The following PRKCE variants were observed in gnomAD, a reference collection of about 807,000 sequenced individuals.
PRKCE encodes protein kinase C epsilon type.
PRKCE carries 16 observed loss-of-function variants against 85.4 expected under a neutral mutation model. The observed-to-expected ratio is 0.19, with a 90% confidence interval of 0.13 to 0.28. The LOEUF is 0.28. Ranked by LOEUF, PRKCE falls within the 10% of genes least tolerant of loss-of-function variation. The pLI is 1.00. For missense variants in PRKCE, 573 were observed against 975.2 expected (o/e 0.59, Z 5.49); for synonymous variants, 388 against 371.5 (o/e 1.04, Z -0.51).
intron 1 of PRKCE, among the ~76,000 whole-genome samples, chr2:45,681,104 G>A (rs1676853325): frequency 6.6e-6 from 1 of 151,796 alleles, no homozygotes; most frequent in Non-Finnish European, 1.5e-5. Context: ...GCCTGGCCAA[G>A]ATGCTAAAAC....
At chr2:46,033,882 G>C (rs1045568069) in intron 10 of PRKCE, among the ~76,000 whole-genome samples, 1 of 152,196 alleles carries the variant, frequency 6.6e-6, no homozygotes, top group Non-Finnish European at 1.5e-5. Context: ...AGAGGGGAAA[G>C]AGCATTTCTG....
intron 1 of PRKCE, among the ~76,000 whole-genome samples, chr2:45,739,841 T>C (rs1682402472): frequency 6.6e-6 from 1 of 152,230 alleles, no homozygotes; most frequent in Admixed American, 6.5e-5. Flanking sequence ...TTTCACAGTA[T>C]GTAAATTATA....
chr2:45,785,482 T>G (rs75288652), intron 1 of PRKCE, among the ~76,000 whole-genome samples: 6,526 of 148,668 alleles, frequency 0.044, 307 homozygotes, highest in East Asian at 0.12. Context: ...CAGATGAGAC[T>G]CCCTCTCAAA....
At chr2:46,021,674 T>C (rs1234724772) in intron 10 of PRKCE, among the ~76,000 whole-genome samples, 1 of 152,216 alleles carries the variant, frequency 6.6e-6, no homozygotes, top group Admixed American at 6.5e-5. Context: ...TGGCACATCA[T>C]GATCCAATTT....
rs934320928 is a variant in PRKCE, at chr2:45,652,084, C to G, written c.-17C>G. On this transcript the variant is annotated 5_prime_UTR_variant, in exon 1 of 15. Coordinates refer to ENST00000306156, the MANE Select transcript of PRKCE (RefSeq NM_005400.3). This position sits in a 1 kb window ranked among gnomAD's most constrained non-coding sequence, Gnocchi z 7.7. ...GGGCAGACGGAGTGACCCCGGCCCCCACTCCCCGCCCCGACCATGGTAGTG... is the reference window on the plus strand; with the variant it reads ...GGGCAGACGGAGTGACCCCGGCCCCGACTCCCCGCCCCGACCATGGTAGTG... 4.7e-6 allele frequency: 7 copies of G among 1,474,742 alleles called. No homozygotes were observed. The highest frequency in any genetic ancestry group is 2.6e-5 in the South Asian group (2 of 76,824). 91.4% of individuals were successfully genotyped at this position (1,474,742 alleles called of 1,614,324 possible). A position where few individuals can be genotyped will look rare whatever the true frequency, so the allele number is the denominator to read the frequency against.
intron 8 of PRKCE, among the ~76,000 whole-genome samples, chr2:46,005,454 A>G (rs1412795529): frequency 2.0e-5 from 3 of 152,024 alleles, no homozygotes; most frequent in Admixed American, 1.3e-4. Context: ...TTTTGTATTC[A>G]TTATCCTAAT....
At chr2:46,137,859 A>G (rs1207296306) in intron 11 of PRKCE, among the ~76,000 whole-genome samples, 2 of 152,006 alleles carry the variant, frequency 1.3e-5, no homozygotes, top group African/African-American at 4.8e-5. Flanking sequence ...TCTTGATACG[A>G]CATCTTCTTT....
intron 2 of PRKCE, among the ~76,000 whole-genome samples, chr2:45,966,531 T>C (rs1018418710): frequency 6.6e-6 from 1 of 152,212 alleles, no homozygotes; most frequent in Non-Finnish European, 1.5e-5. Context: ...ACCAGGATAG[T>C]TGAATTGTTT....
chr2:46,185,694 A>G lies in PRKCE; in HGVS notation c.*813A>G, dbSNP rs554482594. On this transcript the variant is annotated 3_prime_UTR_variant, in exon 15 of 15. Coordinates refer to ENST00000306156, the MANE Select transcript of PRKCE (RefSeq NM_005400.3). The surrounding 1 kb of genome is among the most constrained non-coding windows in gnomAD (Gnocchi z 4.7). ...ATGAGAAACCGGTCGTCCAAGGTGG[A>G]TGCTGTCAATGCCCGAGTGACACAT... 3.5e-4 allele frequency: 54 copies of G among 152,468 alleles called. No individual in the cohort carries two copies. The highest frequency in any genetic ancestry group is 1.3e-3 in the African/African-American group (53 of 41,594). The allele number at this position is 152,468 out of a possible 1,614,324, so 9.4% of individuals were successfully genotyped here.
chr2:45,931,747 C>T (rs1699060019), intron 2 of PRKCE, among the ~76,000 whole-genome samples: 1 of 152,062 alleles, frequency 6.6e-6, no homozygotes, highest in South Asian at 2.1e-4. Context: ...TGCTCTGCCA[C>T]CCAGGCTGGA....
At chr2:45,757,037 G>A (rs959696330) in intron 1 of PRKCE, among the ~76,000 whole-genome samples, 1 of 151,992 alleles carries the variant, frequency 6.6e-6, no homozygotes, top group South Asian at 2.1e-4. Context: ...GATCACTTGA[G>A]GTCAGGAGTT....
At chr2:45,779,979 T>C (rs1269878421) in intron 1 of PRKCE, among the ~76,000 whole-genome samples, 3 of 152,172 alleles carry the variant, frequency 2.0e-5, no homozygotes, top group Admixed American at 1.3e-4. Context: ...CCTACCTCAC[T>C]CCATAGGTTC....
chr2:45,840,862 G>A (rs531538178), intron 1 of PRKCE, among the ~76,000 whole-genome samples: 2 of 152,306 alleles, frequency 1.3e-5, no homozygotes, highest in East Asian at 3.9e-4. Flanking sequence ...GACATGTGGT[G>A]CTCATGGTAT....
chr2:45,702,327 A>T (rs989546325), intron 1 of PRKCE, among the ~76,000 whole-genome samples: 1 of 152,190 alleles, frequency 6.6e-6, no homozygotes, highest in Non-Finnish European at 1.5e-5. Context: ...GCAGCCCGGA[A>T]TACTAGTCCC....
intron 1 of PRKCE, among the ~76,000 whole-genome samples, chr2:45,722,508 G>A (rs1007088129): frequency 5.9e-5 from 9 of 152,228 alleles, no homozygotes; most frequent in African/African-American, 2.2e-4. Context: ...GGGAACCACT[G>A]CTTACATTTA....
At chr2:45,731,447 A>T (rs1156735433) in intron 1 of PRKCE, among the ~76,000 whole-genome samples, 1 of 152,046 alleles carries the variant, frequency 6.6e-6, no homozygotes, top group Non-Finnish European at 1.5e-5. Flanking sequence ...GAGGTTTTTC[A>T]TTTACTGAGT....
chr2:45,813,427 G>T (rs1688793938), intron 1 of PRKCE, among the ~76,000 whole-genome samples: 1 of 152,190 alleles, frequency 6.6e-6, no homozygotes, highest in Non-Finnish European at 1.5e-5. Context: ...CTAAGGAAGG[G>T]GCTTATTCCT....
chr2:45,819,269 T>C (rs749656022), intron 1 of PRKCE, among the ~76,000 whole-genome samples: 2 of 152,170 alleles, frequency 1.3e-5, no homozygotes, highest in Non-Finnish European at 2.9e-5. Context: ...GAATAATGGG[T>C]TTGCCCAAGG....
At chr2:45,916,844 G>T (rs144380967) in intron 2 of PRKCE, among the ~76,000 whole-genome samples, 7,601 of 152,224 alleles carry the variant, frequency 0.05, 205 homozygotes, top group African/African-American at 0.072. Flanking sequence ...AAGGTGACGC[G>T]TCTGGAGTTT....
Sources: allele counts gnomAD v4.1 joint callset (sites outside exome capture counted in the v4.1 genomes callset), GRCh38; gene constraint gnomAD v4.1.1; non-coding constraint Gnocchi (gnomAD v3.1); transcripts MANE v1.5; gene names NCBI Gene and HGNC (gene_info 2026-07-23, HGNC 2026-07-21).